The following GNAO1 variants were observed in gnomAD, a reference collection of about 807,000 sequenced individuals.
The protein encoded by GNAO1 is G protein subunit alpha o1.
For synonymous variants in GNAO1, 164 were observed against 180.7 expected (o/e 0.91, Z 0.74); for missense variants, 166 against 478.7 (o/e 0.35, Z 6.10).
At chr16:56,290,024 A>C (rs1596845137) in intron 3 of GNAO1, among the ~76,000 whole-genome samples, 1 of 152,202 alleles carries the variant, frequency 6.6e-6, no homozygotes, top group East Asian at 1.9e-4. Flanking sequence ...CTCAGGATAA[A>C]GCCAGCCTTA....
In GNAO1 at chr16:56,319,281, C is replaced by T. The variant is rs561771821; in HGVS notation, c.304-9350C>T. 3.9e-5 allele frequency among the ~76,000 whole-genome samples: 6 copies of T among 152,304 alleles called. No homozygotes were observed. In the East Asian group the frequency reaches 5.8e-4, roughly 15 times the overall value. On this transcript the variant is annotated intron_variant, in intron 3 of 8. Coordinates refer to ENST00000262493, the MANE Select transcript of GNAO1 (RefSeq NM_020988.3). ...GGAGAATGAGGTCTTCTATCCTTTT[C>T]GCTCAGGTTCTCTTGGTCACCACCA...
At chr16:56,320,798 C>T (rs1011445092) in intron 3 of GNAO1, among the ~76,000 whole-genome samples, 4 of 152,226 alleles carry the variant, frequency 2.6e-5, no homozygotes, top group African/African-American at 7.2e-5. Context: ...CCCCTCCCTT[C>T]CTCTCTGTAG....
chr16:56,257,956 C>A (rs1170983073), intron 2 of GNAO1, among the ~76,000 whole-genome samples: 2 of 152,242 alleles, frequency 1.3e-5, no homozygotes, highest in African/African-American at 2.4e-5. Flanking sequence ...ATGTCCGATT[C>A]TTCAGGAGAA....
rs765996386 is a variant in GNAO1, at chr16:56,355,008, C to T, written c.1020C>T (p.Thr340=). 6.1e-5 allele frequency: 99 copies of T among 1,613,444 alleles called. No homozygotes were observed. Among genetic ancestry groups the T allele is most frequent in the Non-Finnish European group, 7.6e-5 (90 of 1,179,616 alleles). ...NNIQVVFDAV[T]DIIIANNLRG... is the part of the protein sequence containing the mutation. ...TCCAGGTGGTGTTCGACGCCGTCACCGACATCATCATTGCCAACAACCTCC... is the reference window on the plus strand; with the variant it reads ...TCCAGGTGGTGTTCGACGCCGTCACTGACATCATCATTGCCAACAACCTCC... The change falls in exon 8 of 9, where the codon ACC becomes ACT. Residue 340 remains threonine, a synonymous_variant. Coordinates refer to ENST00000262493, the MANE Select transcript of GNAO1 (RefSeq NM_020988.3).
intron 2 of GNAO1, chr16:56,213,342 C>G (rs986797130): frequency 1.0e-5 from 4 of 398,410 alleles, no homozygotes; most frequent in Non-Finnish European, 1.8e-5. Flanking sequence ...CACACAAAAT[C>G]TCTGCCCTCC....
chr16:56,249,714 C>G (rs959768582), intron 2 of GNAO1, among the ~76,000 whole-genome samples: 9 of 152,226 alleles, frequency 5.9e-5, no homozygotes, highest in Non-Finnish European at 1.3e-4. Flanking sequence ...TCTTTTCTCT[C>G]TATTCATTGT....
At chr16:56,317,531 G>A (rs1313407097) in intron 3 of GNAO1, among the ~76,000 whole-genome samples, 4 of 152,204 alleles carry the variant, frequency 2.6e-5, no homozygotes, top group Admixed American at 6.5e-5. Flanking sequence ...GATCAAACAG[G>A]AGTGGATGAG....
At position 56,328,618 on chromosome 16, in the gene GNAO1, C is replaced by T. The variant is rs753406676; in HGVS notation, c.304-13C>T. The T allele has an allele frequency of 1.2e-6, 2 of 1,612,026 alleles. No homozygotes were observed. The highest frequency in any genetic ancestry group is 1.7e-6 in the Non-Finnish European group (2 of 1,178,228). On this transcript the variant is annotated splice_polypyrimidine_tract_variant and intron_variant, in intron 3 of 8. Transcript: ENST00000262493. ...CCAAAGCGTCAAAGCCCACCATCCA[C>T]CTCTCCTCACAGGCTGACGCCAAGA...
chr16:56,252,186 A>C (rs761087653), intron 2 of GNAO1, among the ~76,000 whole-genome samples: 2 of 152,212 alleles, frequency 1.3e-5, no homozygotes, highest in Non-Finnish European at 2.9e-5. Flanking sequence ...TACATGGTAA[A>C]CTACAAGTAC....
chr16:56,334,699 C>T (rs1383121165), intron 4 of GNAO1, 30 bp from the exon 5 acceptor site: 1 of 1,612,828 alleles, frequency 6.2e-7, no homozygotes, highest in South Asian at 1.1e-5. Context: ...GGCATTTGGT[C>T]CATAGTCCCC....
Position 56,241,638 on chromosome 16 carries a change from T to C in GNAO1, c.162-34293T>C, listed in dbSNP as rs555832758. 2.0e-5 allele frequency among the ~76,000 whole-genome samples: 3 copies of C among 152,328 alleles called. No individual in the cohort carries two copies. In the South Asian group the frequency reaches 6.2e-4, roughly 32 times the overall value. ...ATAATAATAATATTTGTTTGCAGTG[T>C]ATAGAATTAAACTACCAAGCAAATG... On this transcript the variant is annotated intron_variant, in intron 2 of 8. Transcript: ENST00000262493.
At chr16:56,206,345 AGAG>A (rs1277752016) in intron 2 of GNAO1, among the ~76,000 whole-genome samples, 1 of 150,762 alleles carries the variant, frequency 6.6e-6, no homozygotes, top group African/African-American at 2.4e-5. Flanking sequence ...AAAAAAAAAA[AGAG>A]GCAGTTAGGA....
At chr16:56,318,401 C>A (rs2037535642) in intron 3 of GNAO1, among the ~76,000 whole-genome samples, 1 of 152,230 alleles carries the variant, frequency 6.6e-6, no homozygotes, top group African/African-American at 2.4e-5. Context: ...AAGGAAGGCG[C>A]GATGGCCGCC....
intron 3 of GNAO1, among the ~76,000 whole-genome samples, chr16:56,308,632 T>C (rs1174491584): frequency 1.3e-5 from 2 of 151,674 alleles, no homozygotes; most frequent in South Asian, 4.2e-4. Context: ...CAAGAAGGGG[T>C]TTGAGGACTG....
intron 3 of GNAO1, among the ~76,000 whole-genome samples, chr16:56,285,150 G>C (rs1198950163): frequency 6.6e-5 from 10 of 152,184 alleles, no homozygotes; most frequent in African/African-American, 2.4e-4. Flanking sequence ...ATTTTAAAAA[G>C]GAAATTTAAA....
chr16:56,230,067 T>C (rs2036574047), intron 2 of GNAO1, among the ~76,000 whole-genome samples: 1 of 152,190 alleles, frequency 6.6e-6, no homozygotes, highest in Non-Finnish European at 1.5e-5. Flanking sequence ...TCCTCCTGTT[T>C]GTTTTACAGG....
At chr16:56,313,870 C>T (rs1330167851) in intron 3 of GNAO1, among the ~76,000 whole-genome samples, 11 of 152,162 alleles carry the variant, frequency 7.2e-5, no homozygotes, top group African/African-American at 1.9e-4. Context: ...TACAAGTACA[C>T]ACCACTCCCA....
At chr16:56,279,254 C>G (rs2037092654) in intron 3 of GNAO1, among the ~76,000 whole-genome samples, 1 of 152,240 alleles carries the variant, frequency 6.6e-6, no homozygotes, top group Admixed American at 6.5e-5. Flanking sequence ...GACTCACCAC[C>G]TGTCCTGTCT....
intron 2 of GNAO1, among the ~76,000 whole-genome samples, chr16:56,258,684 A>G (rs76485626): frequency 0.032 from 4,848 of 152,306 alleles, 176 homozygotes; most frequent in South Asian, 0.1. Flanking sequence ...TTCTCCCACA[A>G]ATCGGTCTGG....
Sources: gnomAD v4.1 joint callset for allele counts (sites outside exome capture counted in the v4.1 genomes callset) on GRCh38, gnomAD v4.1.1 for gene constraint, MANE v1.5 for transcripts, NCBI Gene and HGNC (gene_info 2026-07-23, HGNC 2026-07-21) for gene names.